Variants in ZNF695 observed in about 807,000 individuals in gnomAD.
ZNF695 encodes the protein zinc finger protein SBZF3.
A neutral mutation model predicts 11.2 loss-of-function variants in ZNF695; 11 were observed. That is an observed-to-expected ratio of 0.98 (90% CI 0.62 to 1.62). The LOEUF is 1.62. ZNF695 is among the 40% of genes most tolerant of loss of function. The pLI is 0.00. For missense variants in ZNF695, 559 were observed against 590.5 expected (o/e 0.95, Z 0.55); for synonymous variants, 190 against 201.4 (o/e 0.94, Z 0.48).
At chr1:246,958,184 G>A (rs1036067442) in intron 5 of ZNF695, among the ~76,000 whole-genome samples, 22 of 149,844 alleles carry the variant, frequency 1.5e-4, no homozygotes, top group African/African-American at 4.2e-4. Flanking sequence ...TCAGCCTCCC[G>A]AGTACCTGGG....
rs539169741 is a variant in ZNF695 at position 246,959,929 on chromosome 1, G to A, written c.488+7766C>T. Reference sequence around the variant, plus strand: ...CCAGTGTTTCTGATCCATTAGTTCCGTAGCAATGTATGAGTTTTCATAACT... The same window carrying A: ...CCAGTGTTTCTGATCCATTAGTTCCATAGCAATGTATGAGTTTTCATAACT... On this transcript the variant is annotated intron_variant, in intron 5 of 5. Transcript: ENST00000487338. Among the ~76,000 whole-genome samples the A allele has an allele frequency of 9.1e-4, 139 of 152,266 alleles. 1 individual carries two copies. The highest frequency in any genetic ancestry group is 2.9e-3 in the African/African-American group (121 of 41,544).
rs1668840159 is a variant in ZNF695, at chr1:246,986,167, C to T, written c.*800G>A. ...TCACTGCATCCTCAACCTCCAGGCT[C>T]AAGCAATCCTCCCACCTGAGCCTTC... On this transcript the variant is annotated 3_prime_UTR_variant, in exon 4 of 4. Transcript: ENST00000339986. 6.9e-6 allele frequency: 4 copies of T among 580,312 alleles called. No homozygotes were observed. Among genetic ancestry groups the T allele is most frequent in the Non-Finnish European group, 8.7e-6 (4 of 460,080 alleles). The allele number at this position is 580,312 out of a possible 1,614,324, so 35.9% of individuals were successfully genotyped here. A position where few individuals can be genotyped will look rare whatever the true frequency, so the allele number is the denominator to read the frequency against.
intron 4 of ZNF695, among the ~76,000 whole-genome samples, chr1:246,979,550 T>C (rs558277897): frequency 6.6e-6 from 1 of 152,240 alleles, no homozygotes; most frequent in Admixed American, 6.5e-5. Context: ...GCCTTGAAAA[T>C]TATCTTTTAA....
chr1:246,947,583 A>G (rs930542024), intron 5 of ZNF695, among the ~76,000 whole-genome samples: 1 of 152,162 alleles, frequency 6.6e-6, no homozygotes, highest in African/African-American at 2.4e-5. Flanking sequence ...ATGAAGCGAC[A>G]ATCAGGCTTT....
At chr1:246,964,193 G>A (rs1668232237) in intron 5 of ZNF695, among the ~76,000 whole-genome samples, 1 of 152,044 alleles carries the variant, frequency 6.6e-6, no homozygotes, top group African/African-American at 2.4e-5. Context: ...ACAGTTCAGG[G>A]ATTTTCATGG....
downstream of ZNF695, among the ~76,000 whole-genome samples, chr1:246,984,122 A>AGT (rs1668780008): frequency 7.1e-6 from 1 of 140,604 alleles, no homozygotes; most frequent in Non-Finnish European, 1.5e-5. Flanking sequence ...AGTGCACACC[A>AGT]GCCTGGGTGA....
intron 1 of ZNF695, among the ~76,000 whole-genome samples, chr1:247,000,469 C>T (rs1669331218): frequency 6.6e-6 from 1 of 152,076 alleles, no homozygotes; most frequent in African/African-American, 2.4e-5. Flanking sequence ...GCACTACAGC[C>T]TGGGTGACAG....
chr1:246,997,432 G>A (rs998140380), intron 3 of ZNF695, among the ~76,000 whole-genome samples: 1 of 152,004 alleles, frequency 6.6e-6, no homozygotes, highest in Non-Finnish European at 1.5e-5. Flanking sequence ...GAACCCGGGA[G>A]GCGGAGGGTG....
At chr1:246,998,861 G>A (rs890847063) in intron 3 of ZNF695, among the ~76,000 whole-genome samples, 2 of 152,032 alleles carry the variant, frequency 1.3e-5, no homozygotes, top group African/African-American at 2.4e-5. Flanking sequence ...CCAGCTACTC[G>A]GGAGACTGAG....
chr1:246,945,965 A>C (rs2642983), intron 5 of ZNF695: 565,824 of 1,092,640 alleles, frequency 0.52, 148,376 homozygotes, highest in Admixed American at 0.61. Context: ...TGCCATTTCA[A>C]ATTCACGCAG....
chr1:247,005,794 T>G (rs1572539049), intron 1 of ZNF695, among the ~76,000 whole-genome samples: 1 of 152,148 alleles, frequency 6.6e-6, no homozygotes, highest in East Asian at 1.9e-4. Context: ...ATCTAAGACC[T>G]CAAACTATGA....
Position 247,001,913 on chromosome 1 carries a change from C to T in ZNF695, c.4-1839G>A, listed in dbSNP as rs75098114. Among the ~76,000 whole-genome samples, 1,269 of 152,108 alleles carry T rather than the reference C, an allele frequency of 8.3e-3. 14 individuals are homozygous for T. Among genetic ancestry groups the T allele is most frequent in the African/African-American group, 0.028 (1,175 of 41,494 alleles). On this transcript the variant is annotated intron_variant, in intron 1 of 3. Transcript: ENST00000339986. The stretch of plus-strand genomic sequence containing the variant: ...AATATTAGTAGAAGACTTTAACATT[C>T]CACTGACAGTATTAGATCATCAAAG...
intron 5 of ZNF695, among the ~76,000 whole-genome samples, chr1:246,957,441 T>C (rs773905256): frequency 4.6e-5 from 7 of 151,822 alleles, no homozygotes; most frequent in Non-Finnish European, 7.4e-5. Context: ...CAGAAAATCG[T>C]ATGTCTGACT....
intron 5 of ZNF695, among the ~76,000 whole-genome samples, chr1:246,964,993 T>A (rs1668250821): frequency 1.3e-5 from 2 of 152,214 alleles, no homozygotes; most frequent in African/African-American, 4.8e-5. Flanking sequence ...CCCTCATGAA[T>A]GGATTAGTCT....
intron 4 of ZNF695, among the ~76,000 whole-genome samples, chr1:246,980,185 A>C (rs1435394626): frequency 6.7e-6 from 1 of 149,932 alleles, no homozygotes; most frequent in East Asian, 2.1e-4. Context: ...ATTTAAAAAA[A>C]AAAAAAAAAA....
At chr1:247,006,482 C>T (rs753271171) in intron 1 of ZNF695, among the ~76,000 whole-genome samples, 9 of 151,946 alleles carry the variant, frequency 5.9e-5, no homozygotes, top group Non-Finnish European at 1.2e-4. Context: ...ATGGTGGCGC[C>T]TGCCTGTATT....
intron 3 of ZNF695, 131 bp from the exon 4 acceptor site, chr1:246,988,386 G>T: frequency 1.5e-6 from 1 of 648,772 alleles, no homozygotes; most frequent in Non-Finnish European, 2.4e-6. Context: ...TTCCTTCATA[G>T]TCATAATCCT....
Position 246,992,956 on chromosome 1 carries a change from C to G in ZNF695, c.260-4701G>C, listed in dbSNP as rs74155710. Reference sequence around the variant, plus strand: ...TTTCTGTCTCCTATTACACAGAGTACTGAATGGAATGATGGTATACTTTGA... The same window carrying G: ...TTTCTGTCTCCTATTACACAGAGTAGTGAATGGAATGATGGTATACTTTGA... On this transcript the variant is annotated intron_variant, in intron 3 of 3. Transcript: ENST00000339986. Among the ~76,000 whole-genome samples the G allele has an allele frequency of 8.4e-3, 1,284 of 152,230 alleles. 13 individuals carry two copies. Among genetic ancestry groups the G allele is most frequent in the African/African-American group, 0.029 (1,190 of 41,524 alleles).
intron 5 of ZNF695, among the ~76,000 whole-genome samples, chr1:246,963,582 C>T (rs1238387212): frequency 1.2e-4 from 18 of 152,068 alleles, no homozygotes; most frequent in Admixed American, 6.6e-4. Context: ...GAGAATAATC[C>T]GGCAGGGAAG....
Sources: allele counts gnomAD v4.1 joint callset (sites outside exome capture counted in the v4.1 genomes callset), GRCh38; gene constraint gnomAD v4.1.1; transcripts MANE v1.5; gene names NCBI Gene and HGNC (gene_info 2026-07-23, HGNC 2026-07-21).